Variants in QPCT observed in about 807,000 individuals in gnomAD.
The protein encoded by QPCT is EC.
In QPCT, 44 loss-of-function variants were observed where a neutral mutation model predicts 43.4. The observed-to-expected ratio is 1.01, with a 90% CI of 0.80 to 1.30. The LOEUF is 1.30. QPCT is among the 50% of genes most tolerant of loss of function. QPCT has a pLI of 0.00. For missense variants in QPCT, 526 were observed against 436.5 expected (o/e 1.21, Z -1.83); for synonymous variants, 168 against 168.4 (o/e 1.00, Z 0.02).
At chr2:37,363,798 T>C (rs1039682228) in intron 3 of QPCT, among the ~76,000 whole-genome samples, 2 of 151,914 alleles carry the variant, frequency 1.3e-5, no homozygotes, top group African/African-American at 2.4e-5. Flanking sequence ...ATTATATCTA[T>C]GAAACAAAAC....
Position 37,359,833 on chromosome 2 carries a change from T to C in QPCT, c.521T>C (p.Leu174Ser), listed in dbSNP as rs562287990. The C allele has an allele frequency of 5.0e-6, 8 of 1,614,210 alleles. No homozygotes were observed. In the East Asian group the frequency reaches 1.6e-4, roughly 31 times the overall value. ...CAMMLELARA[L>S]DKKLLSLKTV... The stretch of plus-strand genomic sequence containing the variant: ...ATGATGTTGGAACTTGCTCGTGCCT[T>C]AGACAAGAAACTCCTTTCCTTAAAG... The change falls in exon 3 of 7, where the codon TTA (leucine) becomes TCA (serine). Residue 174 changes from leucine (L) to serine (S), a missense_variant. By Grantham distance (145) the Leu-to-Ser change is moderately radical. Coordinates refer to ENST00000338415, the MANE Select transcript of QPCT (RefSeq NM_012413.4).
intron 1 of QPCT, among the ~76,000 whole-genome samples, chr2:37,352,428 A>G (rs1672639991): frequency 6.6e-6 from 1 of 151,810 alleles, no homozygotes. Context: ...GGCTCAAGCA[A>G]TCCTCCCACC....
Position 37,352,706 on chromosome 2 carries a change from T to G in QPCT, c.121-83T>G. 12 of 1,499,556 alleles carry G rather than the reference T, an allele frequency of 8.0e-6. No homozygotes were observed. The South Asian group carries it at 1.5e-4, about 18-fold the overall frequency. 92.9% of individuals were successfully genotyped at this position (1,499,556 alleles called of 1,614,324 possible). On this transcript the variant is annotated intron_variant, in intron 1 of 6. Coordinates refer to ENST00000338415, the MANE Select transcript of QPCT (RefSeq NM_012413.4). ...TAAAGTTCTCCCTTATTTTGAAGTT[T>G]TAAGCAATTAATTGAAAACATGTCA...
intron 4 of QPCT, 32 bp from the exon 5 acceptor site, chr2:37,369,653 A>G: frequency 6.8e-7 from 1 of 1,464,984 alleles, no homozygotes; most frequent in Non-Finnish European, 9.6e-7. Flanking sequence ...CGTTTTGGTG[A>G]TGGTGATTAA....
At chr2:37,354,333 G>A (rs1672695952) in intron 2 of QPCT, among the ~76,000 whole-genome samples, 1 of 152,174 alleles carries the variant, frequency 6.6e-6, no homozygotes, top group African/African-American at 2.4e-5. Context: ...CTAACCTTTA[G>A]GCAGAGTGAA....
At chr2:37,363,047 G>T (rs1303160643) in intron 3 of QPCT, among the ~76,000 whole-genome samples, 1 of 152,214 alleles carries the variant, frequency 6.6e-6, no homozygotes, top group Non-Finnish European at 1.5e-5. Context: ...TTAGGCGAAA[G>T]CCTACACATT....
chr2:37,372,716 C>T lies in QPCT; in HGVS notation c.975C>T (p.Phe325=). The change falls in exon 7 of 7, where the codon TTC becomes TTT. Residue 325 remains phenylalanine, a synonymous_variant. Coordinates refer to ENST00000338415, the MANE Select transcript of QPCT (RefSeq NM_012413.4). ...VPVLHLIPSP[F]PEVWHTMDDN... ...TTCTGCATCTGATACCGTCTCCTTTCCCTGAAGTCTGGCACACCATGGATG... is the reference window on the plus strand; with the variant it reads ...TTCTGCATCTGATACCGTCTCCTTTTCCTGAAGTCTGGCACACCATGGATG... 1 of 1,613,680 alleles carries T rather than the reference C, an allele frequency of 6.2e-7. No individual in the cohort carries two copies. Among genetic ancestry groups the T allele is most frequent in the Non-Finnish European group, 8.5e-7 (1 of 1,179,782 alleles).
chr2:37,347,165 A>ATATATATATATATATATATATATAT (rs1558599309), intron 1 of QPCT, among the ~76,000 whole-genome samples: 1 of 27,350 alleles, frequency 3.7e-5, no homozygotes, highest in African/African-American at 1.9e-4. Flanking sequence ...TATATATATA[A>ATATATATATATATATATATATATAT]CATATATATA....
At chr2:37,367,933 A>G (rs1672999195) in intron 4 of QPCT, among the ~76,000 whole-genome samples, 1 of 152,206 alleles carries the variant, frequency 6.6e-6, no homozygotes, top group Non-Finnish European at 1.5e-5. Context: ...AATTAAAATG[A>G]TAAAATCATG....
intron 3 of QPCT, among the ~76,000 whole-genome samples, chr2:37,363,515 T>C (rs1276896989): frequency 6.7e-6 from 1 of 149,486 alleles, no homozygotes; most frequent in African/African-American, 2.5e-5. Flanking sequence ...CCTGTAATCC[T>C]AGCTACTTGG....
At position 37,347,170 on chromosome 2, in the gene QPCT, T is replaced by TATATAACATATATATAACATATATATAAC. The variant is rs1553384231; in HGVS notation, c.120+2324_120+2325insACATATATATAACATATATATAACATATA. Reference sequence around the variant, plus strand: ...TATATATATATATATATATAACATATATATATATAACATATATATATAACA... The same window carrying TATATAACATATATATAACATATATATAAC: ...TATATATATATATATATATAACATATATATAACATATATATAACATATATATAACATATATATAACATATATATATAACA... On this transcript the variant is annotated intron_variant, in intron 1 of 6. Coordinates refer to ENST00000338415, the MANE Select transcript of QPCT (RefSeq NM_012413.4). 1.9e-4 allele frequency among the ~76,000 whole-genome samples: 10 copies of TATATAACATATATATAACATATATATAAC among 52,862 alleles called. 3 individuals carry two copies. The highest frequency in any genetic ancestry group is 8.5e-4 in the African/African-American group (10 of 11,796). The allele number at this position is 52,862 out of a possible 152,430, so 34.7% of individuals were successfully genotyped here.
At position 37,372,490 on chromosome 2, in the gene QPCT, G is replaced by A. The variant is rs748582328; in HGVS notation, c.940+18G>A. 4 of 1,570,360 alleles carry A rather than the reference G, an allele frequency of 2.5e-6. No individual in the cohort carries two copies. The East Asian group carries it at 6.7e-5, about 26-fold the overall frequency. On this transcript the variant is annotated intron_variant, in intron 6 of 6. Coordinates refer to ENST00000338415, the MANE Select transcript of QPCT (RefSeq NM_012413.4). ...AAGAAGAGGTAATGTGTGTGTGTGT[G>A]TGTGTTTGTGTGTGTGTGCGTGCAC...
rs371717174 is a variant in QPCT, at chr2:37,357,520, A to G, written c.268-2060A>G. Among the ~76,000 whole-genome samples, 22 of 152,328 alleles carry G rather than the reference A, an allele frequency of 1.4e-4. No individual in the cohort carries two copies. The East Asian group carries it at 4.2e-3, about 29-fold the overall frequency. ...CCTACTGTGAGCAAAGCACAGTACT[A>G]CAAATTGTGGAGAGTTATGAATGCT... On this transcript the variant is annotated intron_variant, in intron 2 of 6. Coordinates refer to ENST00000338415, the MANE Select transcript of QPCT (RefSeq NM_012413.4).
intron 3 of QPCT, 23 bp downstream of exon 3, chr2:37,359,881 T>A: frequency 1.2e-6 from 2 of 1,606,466 alleles, no homozygotes; most frequent in Non-Finnish European, 1.7e-6. Flanking sequence ...TGCTTATTGA[T>A]TCCTAGGATA....
chr2:37,362,823 G>T (rs1010433649), intron 3 of QPCT, among the ~76,000 whole-genome samples: 2 of 152,202 alleles, frequency 1.3e-5, no homozygotes, highest in Non-Finnish European at 1.5e-5. Context: ...GTGAGGAAGG[G>T]GCTGGTGTGG....
rs1300176164 is a variant in QPCT, at chr2:37,352,909, TC to T, written c.245del (p.Pro82LeufsTer25). ...QPLLIERYPG[S>X]PGSYAARQHI... ...ATTGCTGATAGAGCGATACCCGGGA[TC>T]CCCTGGAAGCTATGCTGCTCGTCAG... On this transcript the variant is annotated frameshift_variant, in exon 2 of 7. Coordinates refer to ENST00000338415, the MANE Select transcript of QPCT (RefSeq NM_012413.4). LOFTEE classifies it high-confidence loss of function. 6.2e-7 allele frequency: 1 copy of T among 1,613,820 alleles called. No individual in the cohort carries two copies. Among genetic ancestry groups the T allele is most frequent in the Admixed American group, 1.7e-5 (1 of 59,998 alleles).
At chr2:37,367,159 A>C (rs557281914) in intron 3 of QPCT, 73 bp from the exon 4 acceptor site, 3 of 1,469,276 alleles carry the variant, frequency 2.0e-6, no homozygotes, top group Admixed American at 4.0e-5. Flanking sequence ...TTTTTGCCCA[A>C]TTAATAGAAA....
Position 37,359,678 on chromosome 2 carries a change from T to C in QPCT, c.366T>C (p.Asn122=). ...CCTATGGGTACCGGTCTTTCTCAAA[T>C]ATCATCAGCACCCTCAATCCCACTG... is the stretch of plus-strand genomic sequence containing the variant. ...QTPYGYRSFS[N]IISTLNPTAK... is the part of the protein sequence containing the mutation. Residue 122 remains asparagine, a synonymous_variant, in exon 3 of 7, where the codon AAT becomes AAC. Coordinates refer to ENST00000338415, the MANE Select transcript of QPCT (RefSeq NM_012413.4). The C allele has an allele frequency of 6.2e-7, 1 of 1,614,170 alleles. No homozygotes were observed. Among genetic ancestry groups the C allele is most frequent in the Non-Finnish European group, 8.5e-7 (1 of 1,180,012 alleles).
rs754771209 is a variant in QPCT at position 37,372,372 on chromosome 2, A to G, written c.840A>G (p.Glu280=). Residue 280 remains glutamate, a synonymous_variant, in exon 6 of 7, where the codon GAA becomes GAG. Transcript: ENST00000338415. ...RLQAIEHELH[E]LGLLKDHSLE... Reference sequence around the variant, plus strand: ...CATCTACAGAACATGAACTTCATGAATTGGGTTTGCTCAAGGATCACTCTT... The same window carrying G: ...CATCTACAGAACATGAACTTCATGAGTTGGGTTTGCTCAAGGATCACTCTT... 2.5e-6 allele frequency: 4 copies of G among 1,613,320 alleles called. No homozygotes were observed. The South Asian group carries it at 4.4e-5, about 18-fold the overall frequency.
Sources: allele counts gnomAD v4.1 joint callset (sites outside exome capture counted in the v4.1 genomes callset), GRCh38; gene constraint gnomAD v4.1.1; transcripts MANE v1.5; gene names NCBI Gene and HGNC (gene_info 2026-07-23, HGNC 2026-07-21).